The following TASP1 variants were observed in gnomAD, a reference collection of about 807,000 sequenced individuals.
TASP1 encodes threonine aspartase 1.
Under a neutral mutation model 56.6 loss-of-function variants are expected in TASP1, and 16 were observed. The observed-to-expected ratio is 0.28, with a 90% CI of 0.19 to 0.43. The LOEUF (loss-of-function observed/expected upper bound fraction) is 0.43. Ranked by LOEUF, TASP1 falls within the 20% of genes least tolerant of loss-of-function variation. TASP1 has a pLI of 1.00. For missense variants in TASP1, 393 were observed against 511.6 expected, an observed-to-expected ratio of 0.77 and a Z score of 2.24; for synonymous variants, 179 against 184.2, an observed-to-expected ratio of 0.97 and a Z score of 0.23.
chr20:13,249,664 T>G, the TASP1 span, among the ~76,000 whole-genome samples: 3 of 152,238 alleles, frequency 2.0e-5, no homozygotes, highest in Non-Finnish European at 2.9e-5. Flanking sequence ...ATTGGCCAAC[T>G]GGCAGGCTCT....
chr20:13,498,461 C>T (rs1447995508), intron 10 of TASP1, among the ~76,000 whole-genome samples: 5 of 150,988 alleles, frequency 3.3e-5, no homozygotes, highest in Non-Finnish European at 7.4e-5. Flanking sequence ...CAGGTTCAAG[C>T]GATTCTAATG....
intron 7 of TASP1, 46 bp downstream of exon 7, chr20:13,569,461 G>C (rs998324749): frequency 1.3e-5 from 18 of 1,413,334 alleles, no homozygotes; most frequent in Non-Finnish European, 1.8e-5. Flanking sequence ...TTATACTTTA[G>C]GTATATATGC....
the TASP1 span, among the ~76,000 whole-genome samples, chr20:13,163,260 C>G: frequency 6.7e-6 from 1 of 149,856 alleles, no homozygotes; most frequent in African/African-American, 2.5e-5. Flanking sequence ...CCCAGCTACT[C>G]GAACTGCTGA....
At chr20:13,586,000 T>C (rs944795769) in intron 5 of TASP1, among the ~76,000 whole-genome samples, 9 of 151,188 alleles carry the variant, frequency 6.0e-5, no homozygotes, top group Non-Finnish European at 1.0e-4. Flanking sequence ...CCAGGCACTG[T>C]GGTGGGTGCC....
At chr20:13,198,847 T>TTCCTTCC in the TASP1 span, among the ~76,000 whole-genome samples, 1 of 88,222 alleles carries the variant, frequency 1.1e-5, no homozygotes, top group Non-Finnish European at 2.7e-5. Context: ...TCTTTCTTTC[T>TTCCTTCC]TTCTTTCTTT....
At chr20:13,604,250 G>A (rs2048065102) in intron 4 of TASP1, among the ~76,000 whole-genome samples, 1 of 152,146 alleles carries the variant, frequency 6.6e-6, no homozygotes, top group Non-Finnish European at 1.5e-5. Flanking sequence ...CCTAGTAGGA[G>A]GTATCTGGGT....
intron 1 of TASP1, among the ~76,000 whole-genome samples, chr20:13,635,171 C>A (rs932218256): frequency 1.1e-4 from 17 of 152,066 alleles, no homozygotes; most frequent in African/African-American, 4.1e-4. Flanking sequence ...GTAAACTGAT[C>A]TTATTAAGCT....
In TASP1 at chr20:13,625,341, T is replaced by C. The variant is rs928611653; in HGVS notation, c.146-89A>G. 68 of 1,105,642 alleles carry C rather than the reference T, an allele frequency of 6.2e-5. 1 individual carries two copies. Among genetic ancestry groups the C allele is most frequent in the Middle Eastern group, 6.0e-4 (2 of 3,306 alleles). The allele number at this position is 1,105,642 out of a possible 1,614,324, so 68.5% of individuals were successfully genotyped here. ...AAATACTCCATATAAACTGATGCTG[T>C]CCTAGTAAAAAACAAAACTATTGCC... On this transcript the variant is annotated intron_variant, in intron 2 of 13. Coordinates refer to ENST00000337743, the MANE Select transcript of TASP1 (RefSeq NM_017714.3).
chr20:13,419,986 A>AG (rs1210198129), intron 12 of TASP1, among the ~76,000 whole-genome samples: 1 of 152,236 alleles, frequency 6.6e-6, no homozygotes, highest in African/African-American at 2.4e-5. Context: ...AACAGAGGAA[A>AG]GGCACTCAAG....
chr20:13,293,073 G>A, the TASP1 span, among the ~76,000 whole-genome samples: 11 of 152,086 alleles, frequency 7.2e-5, no homozygotes, highest in East Asian at 1.2e-3. Flanking sequence ...GGTGGCAGGC[G>A]CCTGTAGTCC....
chr20:13,308,212 T>C, the TASP1 span, among the ~76,000 whole-genome samples: 2 of 152,188 alleles, frequency 1.3e-5, no homozygotes, highest in East Asian at 3.8e-4. Flanking sequence ...GAATCCATCA[T>C]CAATGAATGA....
chr20:13,341,529 C>G, the TASP1 span, among the ~76,000 whole-genome samples: 1 of 151,916 alleles, frequency 6.6e-6, no homozygotes, highest in South Asian at 2.1e-4. Flanking sequence ...AATGAGAAAA[C>G]GTGAGCTTGA....
the TASP1 span, among the ~76,000 whole-genome samples, chr20:13,121,913 C>T: frequency 6.6e-6 from 1 of 152,170 alleles, no homozygotes; most frequent in African/African-American, 2.4e-5. Flanking sequence ...GGCTCATGAC[C>T]TTGACTTTAA....
chr20:13,224,927 C>G, the TASP1 span, among the ~76,000 whole-genome samples: 40 of 149,430 alleles, frequency 2.7e-4, no homozygotes, highest in East Asian at 6.5e-3. Context: ...CTCACTGCAA[C>G]CTCCACTTCC....
At chr20:13,249,169 A>G in the TASP1 span, among the ~76,000 whole-genome samples, 1,048 of 152,250 alleles carry the variant, frequency 6.9e-3, 9 homozygotes, top group African/African-American at 0.022. Context: ...ATCTGGGGGG[A>G]AAAAGCCAAA....
chr20:13,347,870 A>G, the TASP1 span, among the ~76,000 whole-genome samples: 1 of 151,780 alleles, frequency 6.6e-6, no homozygotes, highest in South Asian at 2.1e-4. Context: ...GATAATTTTT[A>G]TTCCATTTGC....
chr20:13,222,738 C>T, the TASP1 span, among the ~76,000 whole-genome samples: 1 of 152,192 alleles, frequency 6.6e-6, no homozygotes, highest in East Asian at 1.9e-4. Flanking sequence ...ATAGAATTGC[C>T]CAGCTAGGCA....
the TASP1 span, among the ~76,000 whole-genome samples, chr20:13,301,160 T>A: frequency 1.3e-5 from 2 of 152,254 alleles, no homozygotes; most frequent in East Asian, 3.9e-4. Context: ...CTGACACAAT[T>A]CTATTCTTAT....
chr20:13,293,995 GA>G, the TASP1 span, among the ~76,000 whole-genome samples: 11 of 151,524 alleles, frequency 7.3e-5, no homozygotes, highest in African/African-American at 1.7e-4. Context: ...GAAAGAAAAA[GA>G]AAAAAAAGAA....
Sources: allele counts gnomAD v4.1 joint callset (sites outside exome capture counted in the v4.1 genomes callset), GRCh38; gene constraint gnomAD v4.1.1; transcripts MANE v1.5; gene names NCBI Gene and HGNC (gene_info 2026-07-23, HGNC 2026-07-21).